Variants in CNTNAP2 observed in about 807,000 individuals in gnomAD.
CNTNAP2 encodes the protein contactin-associated protein-like 2.
A neutral mutation model predicts 155.2 loss-of-function variants in CNTNAP2; 98 were observed. The observed-to-expected ratio is 0.63, with a 90% CI of 0.54 to 0.75. CNTNAP2 has a LOEUF of 0.75. Among genes scored for constraint, CNTNAP2 ranks in the 30% least tolerant of loss-of-function variants. CNTNAP2 has a pLI of 0.00. For synonymous variants in CNTNAP2, 651 were observed against 631.2 expected (o/e 1.03, Z -0.47); for missense variants, 1,727 against 1,688.1 (o/e 1.02, Z -0.40).
intron 2 of CNTNAP2, among the ~76,000 whole-genome samples, chr7:146,831,356 T>C (rs888143537): frequency 6.6e-6 from 1 of 151,900 alleles, no homozygotes; most frequent in African/African-American, 2.4e-5. Context: ...GTCCTTGGGG[T>C]TATAATCTGA....
intron 3 of CNTNAP2, among the ~76,000 whole-genome samples, chr7:146,981,885 C>T (rs1032799173): frequency 6.6e-6 from 1 of 152,108 alleles, no homozygotes; most frequent in African/African-American, 2.4e-5. Context: ...ACAGTGAATA[C>T]TTTAGGATTT....
At chr7:147,737,401 T>C (rs1796871347) in intron 13 of CNTNAP2, among the ~76,000 whole-genome samples, 1 of 152,104 alleles carries the variant, frequency 6.6e-6, no homozygotes, top group Admixed American at 6.5e-5. Context: ...CTCAGAGGGG[T>C]ACCCGGCCGG....
intron 3 of CNTNAP2, among the ~76,000 whole-genome samples, chr7:146,961,807 C>T (rs1797562588): frequency 6.6e-6 from 1 of 152,054 alleles, no homozygotes; most frequent in African/African-American, 2.4e-5. Context: ...GCAGCATGAT[C>T]TCACCATCTG....
chr7:148,357,782 A>C (rs1798545132), intron 21 of CNTNAP2, among the ~76,000 whole-genome samples: 1 of 152,244 alleles, frequency 6.6e-6, no homozygotes, highest in Admixed American at 6.5e-5. Context: ...TTGTATGCAC[A>C]CATAGGAAGT....
At chr7:146,545,854 A>T (rs369765329) in intron 1 of CNTNAP2, among the ~76,000 whole-genome samples, 28 of 151,992 alleles carry the variant, frequency 1.8e-4, no homozygotes, top group African/African-American at 6.8e-4. Flanking sequence ...ATTATAAATC[A>T]TTCTACTATA....
At chr7:147,989,688 A>G (rs1230411203) in intron 15 of CNTNAP2, among the ~76,000 whole-genome samples, 1 of 152,160 alleles carries the variant, frequency 6.6e-6, no homozygotes, top group East Asian at 1.9e-4. Context: ...ACAATACCTG[A>G]TTAGAGCTCA....
chr7:146,673,001 T>A (rs1312847458), intron 1 of CNTNAP2, among the ~76,000 whole-genome samples: 1 of 152,134 alleles, frequency 6.6e-6, no homozygotes, highest in African/African-American at 2.4e-5. Flanking sequence ...GCTCAGCAAT[T>A]TTTTTTCTTA....
intron 1 of CNTNAP2, among the ~76,000 whole-genome samples, chr7:146,216,270 T>A (rs961690743): frequency 1.3e-5 from 2 of 152,136 alleles, no homozygotes; most frequent in Admixed American, 1.3e-4. Context: ...GATGAGGTGA[T>A]CAAGGTGGGA....
At chr7:146,549,267 C>T (rs1424678414) in intron 1 of CNTNAP2, among the ~76,000 whole-genome samples, 1 of 151,882 alleles carries the variant, frequency 6.6e-6, no homozygotes, top group Non-Finnish European at 1.5e-5. Context: ...TATGTCTTTA[C>T]TGTAATTCTT....
chr7:147,492,099 A>G (rs1309902689), intron 11 of CNTNAP2, among the ~76,000 whole-genome samples: 1 of 152,194 alleles, frequency 6.6e-6, no homozygotes, highest in African/African-American at 2.4e-5. Context: ...CCAGGTTCAT[A>G]GGAGACAGTT....
At chr7:148,371,757 C>T (rs1451615224) in intron 21 of CNTNAP2, among the ~76,000 whole-genome samples, 1 of 152,198 alleles carries the variant, frequency 6.6e-6, no homozygotes, top group Non-Finnish European at 1.5e-5. Flanking sequence ...AAGGTGCAGC[C>T]TTCTACACAC....
intron 1 of CNTNAP2, among the ~76,000 whole-genome samples, chr7:146,143,627 T>A (rs555557756): frequency 6.6e-6 from 1 of 152,196 alleles, no homozygotes; most frequent in South Asian, 2.1e-4. Context: ...CATATTAGAA[T>A]GTTTTCAAAT....
intron 1 of CNTNAP2, among the ~76,000 whole-genome samples, chr7:146,384,432 T>C (rs1795432338): frequency 2.6e-5 from 4 of 152,186 alleles, no homozygotes; most frequent in Admixed American, 2.6e-4. Context: ...GAGTTTAGCC[T>C]TTTCTGAGTC....
At chr7:147,195,118 CA>C (rs1169151935) in intron 8 of CNTNAP2, among the ~76,000 whole-genome samples, 1 of 152,058 alleles carries the variant, frequency 6.6e-6, no homozygotes, top group African/African-American at 2.4e-5. Context: ...GGAAGCAGTC[CA>C]GTTTCGGTTT....
chr7:146,125,665 T>G (rs981207333), intron 1 of CNTNAP2, among the ~76,000 whole-genome samples: 1 of 151,536 alleles, frequency 6.6e-6, no homozygotes, highest in African/African-American at 2.4e-5. Context: ...GATAAAAATG[T>G]GCCGTGGTGG....
intron 14 of CNTNAP2, among the ~76,000 whole-genome samples, chr7:147,945,310 A>G (rs1800799065): frequency 6.6e-6 from 1 of 152,190 alleles, no homozygotes. Context: ...ATAGAGGAAG[A>G]TGTGATTTTT....
intron 1 of CNTNAP2, among the ~76,000 whole-genome samples, chr7:146,700,469 G>C (rs1800857567): frequency 6.6e-6 from 1 of 151,984 alleles, no homozygotes; most frequent in South Asian, 2.1e-4. Context: ...GTAGTAACTA[G>C]ATAACTTCAG....
chr7:147,541,604 A>G (rs1165287473), intron 11 of CNTNAP2, among the ~76,000 whole-genome samples: 1 of 152,208 alleles, frequency 6.6e-6, no homozygotes, highest in Non-Finnish European at 1.5e-5. Flanking sequence ...ATACTGGGCA[A>G]TAAAATCAAT....
At chr7:147,350,431 T>C (rs889399458) in intron 9 of CNTNAP2, among the ~76,000 whole-genome samples, 1 of 151,922 alleles carries the variant, frequency 6.6e-6, no homozygotes, top group South Asian at 2.1e-4. Flanking sequence ...TTATACACTT[T>C]ATAGTACTCA....
Sources: allele counts gnomAD v4.1 joint callset (sites outside exome capture counted in the v4.1 genomes callset), GRCh38; gene constraint gnomAD v4.1.1; transcripts MANE v1.5; gene names NCBI Gene and HGNC (gene_info 2026-07-23, HGNC 2026-07-21).